The following ATP8A2 variants were observed in gnomAD, a reference collection of about 807,000 sequenced individuals.
The protein encoded by ATP8A2 is ATPase phospholipid transporting 8A2.
Under a neutral mutation model 165.6 loss-of-function variants are expected in ATP8A2, and 100 were observed. The observed-to-expected ratio is 0.60, with a 90% confidence interval of 0.51 to 0.71. The LOEUF is 0.71. Ranked by LOEUF, ATP8A2 falls within the 30% of genes least tolerant of loss-of-function variation. The pLI is 0.00. For missense variants in ATP8A2, 1,227 were observed against 1,479.5 expected, an observed-to-expected ratio of 0.83 and a Z score of 2.80; for synonymous variants, 543 against 548.8, an observed-to-expected ratio of 0.99 and a Z score of 0.15.
At chr13:25,961,209 G>A (rs1955651693) in intron 33 of ATP8A2, among the ~76,000 whole-genome samples, 3 of 152,202 alleles carry the variant, frequency 2.0e-5, no homozygotes. Flanking sequence ...AGCTGATGAT[G>A]AGTGAATGGA....
chr13:25,889,640 C>T (rs982088944), intron 33 of ATP8A2, among the ~76,000 whole-genome samples: 1 of 151,914 alleles, frequency 6.6e-6, no homozygotes, highest in Admixed American at 6.6e-5. Context: ...CCTTGACCTT[C>T]ACGGTGGTCA....
At chr13:25,716,761 G>T (rs1419000528) in intron 25 of ATP8A2, among the ~76,000 whole-genome samples, 2 of 152,122 alleles carry the variant, frequency 1.3e-5, no homozygotes, top group East Asian at 3.9e-4. Flanking sequence ...TCATAAACAA[G>T]TCAGACATAG....
intron 24 of ATP8A2, among the ~76,000 whole-genome samples, chr13:25,651,340 G>A (rs1184269772): frequency 6.6e-6 from 1 of 152,050 alleles, no homozygotes; most frequent in Non-Finnish European, 1.5e-5. Flanking sequence ...CTACTCGGGA[G>A]GCTGAGGCAG....
intron 2 of ATP8A2, among the ~76,000 whole-genome samples, chr13:25,518,147 G>A (rs2037539607): frequency 6.6e-6 from 1 of 152,224 alleles, no homozygotes; most frequent in African/African-American, 2.4e-5. Context: ...TTGATTGGTT[G>A]AATGCACTGC....
At chr13:25,455,420 A>G (rs2035339771) in intron 1 of ATP8A2, among the ~76,000 whole-genome samples, 1 of 152,228 alleles carries the variant, frequency 6.6e-6, no homozygotes, top group Admixed American at 6.5e-5. Flanking sequence ...CAGAATGGTG[A>G]GCTCTGCCCA....
Position 25,811,681 on chromosome 13 carries a change from T to C in ATP8A2, c.2680-16437T>C, listed in dbSNP as rs76536466. Among the ~76,000 whole-genome samples the C allele has an allele frequency of 8.1e-4, 123 of 152,208 alleles. 3 individuals carry two copies. The East Asian group carries it at 0.019, about 23-fold the overall frequency. ...AGCCTAGGAACATGATGCAACTCCA[T>C]CTTTACAAAACAAAACAAAACACAC... is the stretch of plus-strand genomic sequence containing the variant. On this transcript the variant is annotated intron_variant, in intron 27 of 36. Transcript: ENST00000381655.
intron 35 of ATP8A2, among the ~76,000 whole-genome samples, chr13:25,974,659 A>G (rs1255848619): frequency 6.6e-6 from 1 of 152,028 alleles, no homozygotes; most frequent in Non-Finnish European, 1.5e-5. Flanking sequence ...TGTAACGTCT[A>G]TGCCGGTCCT....
intron 1 of ATP8A2, among the ~76,000 whole-genome samples, chr13:25,390,279 C>T (rs1416352707): frequency 6.6e-6 from 1 of 152,214 alleles, no homozygotes; most frequent in East Asian, 1.9e-4. Context: ...CAGGCATGAG[C>T]CACCTTGCCC....
At chr13:25,517,083 ATTT>A (rs34573507) in intron 2 of ATP8A2, 2 of 136,932 alleles carry the variant, frequency 1.5e-5, no homozygotes, top group Admixed American at 7.3e-5. Context: ...GCCTGGTCAC[ATTT>A]TTTTTTTTTT....
At chr13:25,482,422 T>C (rs893906667) in intron 2 of ATP8A2, among the ~76,000 whole-genome samples, 1 of 152,060 alleles carries the variant, frequency 6.6e-6, no homozygotes, top group African/African-American at 2.4e-5. Context: ...GCAAAACTGC[T>C]AGTAGAGACC....
chr13:25,984,329 C>T lies in ATP8A2; in HGVS notation c.3377+15650C>T, dbSNP rs151033451. Among the ~76,000 whole-genome samples the T allele has an allele frequency of 3.8e-3, 578 of 151,666 alleles. 3 individuals carry two copies. Among genetic ancestry groups the T allele is most frequent in the African/African-American group, 0.013 (551 of 41,382 alleles). ...GCTAAGAGGGTAGGTTGGAGCTGGG[C>T]CCAGTGGCTCATGCCTGTAATTCCA... On this transcript the variant is annotated intron_variant, in intron 35 of 36. Transcript: ENST00000381655.
intron 25 of ATP8A2, among the ~76,000 whole-genome samples, chr13:25,727,974 C>T (rs1476998492): frequency 6.6e-6 from 1 of 152,152 alleles, no homozygotes; most frequent in South Asian, 2.1e-4. Context: ...CGTGACCCTA[C>T]TCACCTGTGC....
At chr13:25,437,018 C>A (rs1223454270) in intron 1 of ATP8A2, among the ~76,000 whole-genome samples, 1 of 152,124 alleles carries the variant, frequency 6.6e-6, no homozygotes, top group Non-Finnish European at 1.5e-5. Flanking sequence ...CTCAAGTGAC[C>A]CACCAGCCTC....
intron 25 of ATP8A2, among the ~76,000 whole-genome samples, chr13:25,766,365 CAAT>C (rs1282579506): frequency 6.6e-6 from 1 of 152,146 alleles, no homozygotes; most frequent in African/African-American, 2.4e-5. Context: ...ACATTTGAAA[CAAT>C]AATGTCATTG....
chr13:25,735,858 A>G (rs1221158725), intron 25 of ATP8A2, among the ~76,000 whole-genome samples: 1 of 152,212 alleles, frequency 6.6e-6, no homozygotes, highest in Non-Finnish European at 1.5e-5. Flanking sequence ...AGTCTACAGT[A>G]GGTACAGTAA....
intron 33 of ATP8A2, among the ~76,000 whole-genome samples, chr13:25,933,607 G>A (rs1443361807): frequency 1.3e-5 from 2 of 152,192 alleles, no homozygotes; most frequent in Non-Finnish European, 2.9e-5. Context: ...GTAGCCAGTG[G>A]TTATGGGAAG....
At chr13:25,710,071 A>G (rs1443959038) in intron 25 of ATP8A2, among the ~76,000 whole-genome samples, 1 of 152,130 alleles carries the variant, frequency 6.6e-6, no homozygotes. Flanking sequence ...TTAGTTTCAC[A>G]TGTGTTTAGA....
chr13:26,012,216 G>C (rs973794434), intron 35 of ATP8A2, among the ~76,000 whole-genome samples: 2 of 152,172 alleles, frequency 1.3e-5, no homozygotes, highest in Admixed American at 6.5e-5. Flanking sequence ...ATGTTTACCC[G>C]GAAACAGGCC....
At chr13:25,865,466 C>T (rs1195912652) in intron 33 of ATP8A2, among the ~76,000 whole-genome samples, 1 of 152,178 alleles carries the variant, frequency 6.6e-6, no homozygotes, top group Non-Finnish European at 1.5e-5. Context: ...CTATTCATAA[C>T]ATCTTCAGCC....
Sources: gnomAD v4.1 joint callset for allele counts (sites outside exome capture counted in the v4.1 genomes callset) on GRCh38, gnomAD v4.1.1 for gene constraint, MANE v1.5 for transcripts, NCBI Gene and HGNC (gene_info 2026-07-23, HGNC 2026-07-21) for gene names.